The following PTPRD variants were observed in gnomAD, a reference collection of about 807,000 sequenced individuals.
PTPRD encodes the protein protein tyrosine phosphatase receptor type D.
PTPRD carries 34 observed loss-of-function variants against 214.5 expected under a neutral mutation model. That is an observed-to-expected ratio of 0.16 (90% CI 0.12 to 0.21). PTPRD has a LOEUF of 0.21. PTPRD is among the 10% of genes least tolerant of loss of function. The probability of loss-of-function intolerance (pLI) is 1.00; values close to 1 mark genes in which losing one functional copy is unlikely to be tolerated. For missense variants in PTPRD, 2,545 were observed against 2,398.7 expected, an observed-to-expected ratio of 1.06 and a Z score of -1.27; for synonymous variants, 1,128 against 845.7, an observed-to-expected ratio of 1.33 and a Z score of -5.79.
intron 5 of PTPRD, among the ~76,000 whole-genome samples, chr9:9,879,230 C>T (rs1253800932): frequency 2.6e-5 from 4 of 152,116 alleles, no homozygotes; most frequent in Non-Finnish European, 5.9e-5. Flanking sequence ...TTTCAACCTC[C>T]TTAGTATTAA....
intron 10 of PTPRD, among the ~76,000 whole-genome samples, chr9:9,165,008 T>C (rs893991176): frequency 7.5e-5 from 11 of 146,496 alleles, no homozygotes; most frequent in South Asian, 4.3e-4. Context: ...GCTGAGATCA[T>C]GCCACTGCAC....
intron 11 of PTPRD, among the ~76,000 whole-genome samples, chr9:8,928,753 A>T (rs1988426): frequency 0.37 from 55,697 of 151,806 alleles, 10,318 homozygotes; most frequent in Middle Eastern, 0.42. Context: ...TTCATGGGGA[A>T]AGCACTGAAT....
chr9:9,629,729 T>C (rs1351603688), intron 7 of PTPRD, among the ~76,000 whole-genome samples: 2 of 151,948 alleles, frequency 1.3e-5, no homozygotes, highest in Non-Finnish European at 2.9e-5. Flanking sequence ...GGAAAATGTC[T>C]TTTGGGGAAA....
intron 9 of PTPRD, among the ~76,000 whole-genome samples, chr9:9,184,143 C>A (rs978443824): frequency 1.5e-4 from 23 of 152,084 alleles, no homozygotes; most frequent in African/African-American, 5.5e-4. Context: ...TGGGGAGAGA[C>A]TTTTTGACAC....
rs779070490 is a variant in PTPRD at position 8,492,883 on chromosome 9, G to A, written c.2446C>T (p.Leu816=). Residue 816 remains leucine, a synonymous_variant, in exon 27 of 46, where the codon CTG becomes TTG. Transcript: ENST00000381196. The part of the protein sequence containing the change: ...KGDGARSKPK[L]VSTTGAVPGK... ...TTACCTGCCCCAGTGGTGGACACCAGTTTGGGCTTGCTGCGAGCACCATCT... is the reference window on the plus strand; with the variant it reads ...TTACCTGCCCCAGTGGTGGACACCAATTTGGGCTTGCTGCGAGCACCATCT... 1.1e-5 allele frequency: 17 copies of A among 1,613,750 alleles called. No individual in the cohort carries two copies. In the East Asian group the frequency reaches 2.9e-4, roughly 28 times the overall value.
intron 14 of PTPRD, among the ~76,000 whole-genome samples, chr9:8,624,232 A>T (rs1466632394): frequency 6.6e-6 from 1 of 151,946 alleles, no homozygotes; most frequent in Admixed American, 6.6e-5. Context: ...AAAAGGAACT[A>T]AAATTCTTGG....
At chr9:9,948,491 G>T (rs748434610) in intron 4 of PTPRD, among the ~76,000 whole-genome samples, 3 of 152,062 alleles carry the variant, frequency 2.0e-5, no homozygotes, top group Admixed American at 1.3e-4. Context: ...TTTAAAAAAT[G>T]TGAGACATAA....
chr9:8,943,133 G>A (rs10977382), intron 11 of PTPRD, among the ~76,000 whole-genome samples: 45,512 of 151,772 alleles, frequency 0.3, 7,820 homozygotes, highest in East Asian at 0.75. Flanking sequence ...AAACTGAAGA[G>A]GACACAAAAA....
At position 9,698,218 on chromosome 9, in the gene PTPRD, G is replaced by A. The variant is rs558105985; in HGVS notation, c.-287+36315C>T. On this transcript the variant is annotated intron_variant, in intron 7 of 45. Coordinates refer to ENST00000381196, the MANE Select transcript of PTPRD (RefSeq NM_002839.4). Reference sequence around the variant, plus strand: ...TTTTTTCTTGTGGAGGTACACCTCCGTCTTCCCATCAAAGGACTAGTCTTT... The same window carrying A: ...TTTTTTCTTGTGGAGGTACACCTCCATCTTCCCATCAAAGGACTAGTCTTT... Among the ~76,000 whole-genome samples, 52 of 152,190 alleles carry A rather than the reference G, an allele frequency of 3.4e-4. 1 individual carries two copies. The highest frequency in any genetic ancestry group is 2.5e-3 in the South Asian group (12 of 4,820).
At chr9:10,134,377 G>C (rs2098926494) in intron 3 of PTPRD, among the ~76,000 whole-genome samples, 1 of 152,110 alleles carries the variant, frequency 6.6e-6, no homozygotes, top group Non-Finnish European at 1.5e-5. Flanking sequence ...ACTTAATAAG[G>C]GGTTCATCTA....
chr9:8,399,057 ATAG>A (rs1210397692), intron 36 of PTPRD, among the ~76,000 whole-genome samples: 1 of 150,948 alleles, frequency 6.6e-6, no homozygotes, highest in African/African-American at 2.4e-5. Flanking sequence ...TGAGAGTCAC[ATAG>A]TAGCCAATAA....
At chr9:10,317,010 C>A (rs1188653848) in intron 3 of PTPRD, among the ~76,000 whole-genome samples, 2 of 151,868 alleles carry the variant, frequency 1.3e-5, no homozygotes, top group Non-Finnish European at 2.9e-5. Flanking sequence ...ACAAAGCAAG[C>A]AATTCTATTT....
At chr9:9,594,867 A>T (rs1035644347) in intron 7 of PTPRD, among the ~76,000 whole-genome samples, 5 of 152,124 alleles carry the variant, frequency 3.3e-5, no homozygotes, top group African/African-American at 1.2e-4. Context: ...ATCTACAAAG[A>T]ACTCAAACAA....
intron 9 of PTPRD, among the ~76,000 whole-genome samples, chr9:9,368,182 T>A (rs554471879): frequency 1.3e-5 from 2 of 151,884 alleles, no homozygotes; most frequent in South Asian, 4.2e-4. Context: ...TGCATTTATA[T>A]CCTACTTCTT....
At chr9:9,732,236 C>T (rs1018546337) in intron 7 of PTPRD, among the ~76,000 whole-genome samples, 3 of 151,978 alleles carry the variant, frequency 2.0e-5, no homozygotes, top group East Asian at 1.9e-4. Context: ...CTGGTATGTA[C>T]TGAAGAAAGA....
chr9:9,212,768 C>T (rs894633119), intron 9 of PTPRD, among the ~76,000 whole-genome samples: 10 of 152,162 alleles, frequency 6.6e-5, no homozygotes, highest in African/African-American at 1.9e-4. Flanking sequence ...ACTGAGAGAA[C>T]AGTTGGTGTG....
At chr9:9,637,506 T>G (rs2095808425) in intron 7 of PTPRD, among the ~76,000 whole-genome samples, 1 of 152,224 alleles carries the variant, frequency 6.6e-6, no homozygotes, top group Non-Finnish European at 1.5e-5. Flanking sequence ...TCTTCAAACT[T>G]GAACTTAATC....
chr9:8,907,762 A>G (rs1015768156), intron 11 of PTPRD, among the ~76,000 whole-genome samples: 2 of 152,132 alleles, frequency 1.3e-5, no homozygotes, highest in Middle Eastern at 3.4e-3. Context: ...CAATCTTAAG[A>G]GCAGAGAATA....
At chr9:8,463,148 A>C (rs1031336619) in intron 32 of PTPRD, among the ~76,000 whole-genome samples, 5 of 151,778 alleles carry the variant, frequency 3.3e-5, no homozygotes, top group African/African-American at 4.8e-5. Flanking sequence ...CTTGGCCATC[A>C]AGCAGGAGAA....
Sources: allele counts gnomAD v4.1 joint callset (sites outside exome capture counted in the v4.1 genomes callset), GRCh38; gene constraint gnomAD v4.1.1; transcripts MANE v1.5; gene names NCBI Gene and HGNC (gene_info 2026-07-23, HGNC 2026-07-21).